Variants in ADGRF3 observed in about 807,000 individuals in gnomAD.
ADGRF3 encodes the protein G protein-coupled receptor 113.
A neutral mutation model predicts 93.2 loss-of-function variants in ADGRF3; 85 were observed. The observed-to-expected ratio is 0.91, with a 90% confidence interval of 0.77 to 1.09. The LOEUF is 1.09. Ranked by LOEUF, ADGRF3 falls within the 50% of genes least tolerant of loss-of-function variation. ADGRF3 has a pLI of 0.00. For missense variants in ADGRF3, 1,125 were observed against 1,246.2 expected (o/e 0.90, Z 1.46); for synonymous variants, 534 against 532.5 (o/e 1.00, Z -0.04).
intron 1 of ADGRF3, 197 bp downstream of exon 1, chr2:26,345,924 G>A (rs1676704384): frequency 1.8e-6 from 1 of 569,660 alleles, no homozygotes; most frequent in Non-Finnish European, 3.1e-6. Flanking sequence ...GACGAAGAGA[G>A]CTGGAAGGCG....
intron 5 of ADGRF3, 50 bp downstream of exon 5, chr2:26,315,472 G>C: frequency 6.6e-7 from 1 of 1,521,752 alleles, no homozygotes; most frequent in East Asian, 2.5e-5. Context: ...CGAGGATGAA[G>C]GGAAGTAAGA....
intron 5 of ADGRF3, 134 bp from the exon 6 acceptor site, chr2:26,314,757 G>T: frequency 1.4e-6 from 1 of 738,892 alleles, no homozygotes; most frequent in Non-Finnish European, 2.2e-6. Flanking sequence ...AGCAAGCAAG[G>T]TCCCAGGATG....
In ADGRF3 at chr2:26,311,197, G is replaced by A. The variant is rs1269032181; in HGVS notation, c.2327C>T (p.Ala776Val). Residue 776 changes from alanine (A) to valine (V), a missense_variant, in exon 10 of 14, where the codon GCC becomes GTC. Transcript: ENST00000651242. ...PGPRSPLCLA[A>V]AFLCHFLYLA... is the part of the protein sequence containing the mutation. ...GTAGAGGAAATGACAGAGGAAGGCG[G>A]CAGCAAGGCAGAGCGGGCTTCGGGG... The A allele has an allele frequency of 1.9e-6, 3 of 1,600,824 alleles. No individual in the cohort carries two copies. Among genetic ancestry groups the A allele is most frequent in the South Asian group, 1.1e-5 (1 of 89,308 alleles).
intron 1 of ADGRF3, among the ~76,000 whole-genome samples, chr2:26,342,667 A>G (rs142171794): frequency 5.6e-4 from 85 of 152,370 alleles, no homozygotes; most frequent in African/African-American, 1.6e-3. Context: ...ATAAACTTCA[A>G]TGGATGAAGA....
Position 26,310,090 on chromosome 2 carries a change from G to T in ADGRF3, c.2890C>A (p.Arg964Ser). The T allele has an allele frequency of 1.2e-6, 2 of 1,614,024 alleles. No homozygotes were observed. Among genetic ancestry groups the T allele is most frequent in the Non-Finnish European group, 1.7e-6 (2 of 1,179,886 alleles). The change falls in exon 12 of 14, where the codon CGC becomes AGC. Residue 964 changes from arginine (R) to serine (S), a missense_variant. Physicochemically the swap from Arg to Ser is moderately radical, Grantham distance 110. Transcript: ENST00000651242. ...LMDRKIQEAL[R>S]KRFCRAQAPS... The stretch of plus-strand genomic sequence containing the variant: ...GCTTGGGCGCGGCAGAAGCGTTTGC[G>T]CAAAGCTTCTTGTATCTGCGGGAGA...
chr2:26,317,457 T>G (rs559535467), intron 2 of ADGRF3, 39 bp downstream of exon 2: 6 of 1,552,252 alleles, frequency 3.9e-6, no homozygotes, highest in East Asian at 2.4e-5. Flanking sequence ...CCAGCTCCCA[T>G]CTCCTCCCCC....
chr2:26,336,331 T>TGTGTGTGTGTGA (rs1242477556), intron 1 of ADGRF3, among the ~76,000 whole-genome samples: 4 of 151,830 alleles, frequency 2.6e-5, no homozygotes, highest in Non-Finnish European at 5.9e-5. Context: ...TGTGTGTGTG[T>TGTGTGTGTGTGA]GTGTGAGTGT....
At chr2:26,309,830 A>G in intron 12 of ADGRF3, 1 of 1,165,284 alleles carries the variant, frequency 8.6e-7, no homozygotes, top group South Asian at 1.6e-5. Flanking sequence ...AGTCCAGGTG[A>G]TAATCAGGAA....
In ADGRF3 at chr2:26,315,682, C is replaced by G. The variant is rs1185645883; in HGVS notation, c.558G>C (p.Leu186=). The change falls in exon 5 of 14, where the codon CTG becomes CTC. Residue 186 remains leucine, a synonymous_variant. Transcript: ENST00000651242. ...TGGCCTCCTGGCTCAGATGGAGAGT[C>G]AGGCTCAGCGTGTCACCAGGCATCT... ...QLQMPGDTLS[L]TLHLSQEATN... is the part of the protein sequence containing the mutation. The G allele has an allele frequency of 6.4e-7, 1 of 1,551,570 alleles. No individual in the cohort carries two copies. Among genetic ancestry groups the G allele is most frequent in the South Asian group, 1.2e-5 (1 of 84,038 alleles).
intron 1 of ADGRF3, among the ~76,000 whole-genome samples, chr2:26,335,984 G>T (rs910589458): frequency 2.6e-5 from 4 of 152,168 alleles, no homozygotes; most frequent in South Asian, 2.1e-4. Context: ...AGGTCTTGCT[G>T]GGTATGAGGC....
Position 26,316,455 on chromosome 2 carries a change from G to GAGAGA in ADGRF3, c.326-12_326-8dup. 6.4e-7 allele frequency: 1 copy of GAGAGA among 1,551,010 alleles called. No homozygotes were observed. The highest frequency in any genetic ancestry group is 8.7e-7 in the Non-Finnish European group (1 of 1,146,626). ...TTGTGGTTGACATTACACTCTGACA[G>GAGAGA]AGAGAAGAGAAGAGGGGGTGGGCAG... On this transcript the variant is annotated splice_polypyrimidine_tract_variant and splice_region_variant and intron_variant, in intron 3 of 13. Transcript: ENST00000651242.
chr2:26,313,392 C>T lies in ADGRF3; in HGVS notation c.1254G>A (p.Leu418=), dbSNP rs1290438263. The change falls in exon 8 of 14, where the codon TTG becomes TTA. Residue 418 remains leucine (L), a synonymous_variant. Coordinates refer to ENST00000651242, the MANE Select transcript of ADGRF3 (RefSeq NM_001321971.2). Reference sequence around the variant, plus strand: ...GAAGCTTCACCTTGGTTCTAGTGAACAAGGCCAGGAGCCTCGCATCTGTGC... The same window carrying T: ...GAAGCTTCACCTTGGTTCTAGTGAATAAGGCCAGGAGCCTCGCATCTGTGC... ...SSCTDARLLA[L]FTRTKLLQAG... 1 of 1,595,396 alleles carries T rather than the reference C, an allele frequency of 6.3e-7. No homozygotes were observed. Among genetic ancestry groups the T allele is most frequent in the Non-Finnish European group, 8.5e-7 (1 of 1,171,540 alleles).
chr2:26,321,393 G>T (rs1469125498), intron 1 of ADGRF3, among the ~76,000 whole-genome samples: 1 of 152,098 alleles, frequency 6.6e-6, no homozygotes, highest in Non-Finnish European at 1.5e-5. Context: ...GTCTCAGATG[G>T]GCCAAGGGGA....
chr2:26,331,258 TA>T (rs1342072724), intron 1 of ADGRF3, among the ~76,000 whole-genome samples: 2 of 152,126 alleles, frequency 1.3e-5, no homozygotes, highest in African/African-American at 4.8e-5. Context: ...CTGTATGTAA[TA>T]AAAAAGTATG....
At position 26,316,426 on chromosome 2, in the gene ADGRF3, C is replaced by T; in HGVS notation, c.348G>A (p.Gly116=). 6.4e-7 allele frequency: 1 copy of T among 1,551,630 alleles called. No homozygotes were observed. The highest frequency in any genetic ancestry group is 8.7e-7 in the Non-Finnish European group (1 of 1,146,978). ...CAGAGAGGCAAGCACAATAGAAATT[C>T]CCCTTGTGGTTGACATTACACTCTG... is the stretch of plus-strand genomic sequence containing the variant. ...LTTECNVNHK[G]NFYCACLSGY... The change falls in exon 4 of 14, where the codon GGG becomes GGA. Residue 116 remains glycine, a synonymous_variant. Coordinates refer to ENST00000651242, the MANE Select transcript of ADGRF3 (RefSeq NM_001321971.2).
At chr2:26,318,825 C>CT in intron 1 of ADGRF3, 1 of 1,397,934 alleles carries the variant, frequency 7.2e-7, no homozygotes, top group Non-Finnish European at 9.8e-7. Flanking sequence ...AAAGCATCCA[C>CT]TTTCCTTACA....
At chr2:26,310,550 A>G (rs1673982156) in intron 10 of ADGRF3, 142 bp downstream of exon 10, 4 of 835,638 alleles carry the variant, frequency 4.8e-6, no homozygotes. Context: ...TCAGTGGAGG[A>G]ACTGGGATCC....
intron 3 of ADGRF3, 123 bp downstream of exon 3, chr2:26,316,787 CAG>C: frequency 9.2e-7 from 1 of 1,088,560 alleles, no homozygotes; most frequent in Non-Finnish European, 1.3e-6. Flanking sequence ...GCCACGGAGA[CAG>C]AACCAGGCAG....
At chr2:26,321,428 G>A (rs1403630026) in intron 1 of ADGRF3, among the ~76,000 whole-genome samples, 1 of 152,080 alleles carries the variant, frequency 6.6e-6, no homozygotes, top group Non-Finnish European at 1.5e-5. Flanking sequence ...AGCATCTGCT[G>A]CAGTCTCCAA....
Sources: gnomAD v4.1 joint callset for allele counts (sites outside exome capture counted in the v4.1 genomes callset) on GRCh38, gnomAD v4.1.1 for gene constraint, MANE v1.5 for transcripts, NCBI Gene and HGNC (gene_info 2026-07-23, HGNC 2026-07-21) for gene names.